The following PLEK variants were observed in gnomAD, a reference collection of about 807,000 sequenced individuals.
PLEK encodes pleckstrin.
A neutral mutation model predicts 43.9 loss-of-function variants in PLEK; 25 were observed. The ratio of observed to expected loss-of-function variants is 0.57; its 90% CI spans 0.41 to 0.79. PLEK has a LOEUF of 0.79. Ranked by LOEUF, PLEK falls within the 30% of genes least tolerant of loss-of-function variation. The pLI is 0.00. For synonymous variants in PLEK, 152 were observed against 144.4 expected, an observed-to-expected ratio of 1.05 and a Z score of -0.38; for missense variants, 396 against 413.3, an observed-to-expected ratio of 0.96 and a Z score of 0.36.
intron 1 of PLEK, among the ~76,000 whole-genome samples, chr2:68,373,924 T>C (rs567121256): frequency 2.6e-5 from 4 of 152,350 alleles, no homozygotes; most frequent in African/African-American, 9.6e-5. Context: ...TTTTAATACA[T>C]AGCAGAGTCA....
intron 1 of PLEK, among the ~76,000 whole-genome samples, chr2:68,370,862 C>T (rs770974825): frequency 4.6e-5 from 7 of 152,102 alleles, no homozygotes; most frequent in African/African-American, 1.2e-4. Context: ...GTTGAATGAA[C>T]GTGTCCCAAA....
At chr2:68,393,285 A>C in intron 7 of PLEK, 40 bp downstream of exon 7, 1 of 1,259,420 alleles carries the variant, frequency 7.9e-7, no homozygotes, top group Non-Finnish European at 1.2e-6. Flanking sequence ...AAATAAATAA[A>C]TCCACTGCAT....
At chr2:68,389,134 A>G (rs974268083) in intron 6 of PLEK, among the ~76,000 whole-genome samples, 1 of 152,228 alleles carries the variant, frequency 6.6e-6, no homozygotes, top group Non-Finnish European at 1.5e-5. Context: ...GTCGGTTACC[A>G]GGTGCCAAGG....
At chr2:68,374,642 C>T (rs763763670) in intron 1 of PLEK, among the ~76,000 whole-genome samples, 2 of 152,176 alleles carry the variant, frequency 1.3e-5, no homozygotes, top group Non-Finnish European at 2.9e-5. Context: ...TTCTAGTATG[C>T]TATAAAGTTC....
At chr2:68,376,596 T>A (rs1234385688) in intron 1 of PLEK, among the ~76,000 whole-genome samples, 1 of 141,630 alleles carries the variant, frequency 7.1e-6, no homozygotes, top group Non-Finnish European at 1.5e-5. Flanking sequence ...ATTAATAATG[T>A]GATCTTATTT....
chr2:68,380,633 G>T, intron 2 of PLEK, 90 bp from the exon 3 acceptor site: 1 of 1,462,540 alleles, frequency 6.8e-7, no homozygotes. Flanking sequence ...CTCTTGGCTA[G>T]AAGAGGTTTA....
At chr2:68,388,346 T>C in intron 5 of PLEK, 41 bp from the exon 6 acceptor site, 1 of 1,207,012 alleles carries the variant, frequency 8.3e-7, no homozygotes, top group Middle Eastern at 1.9e-4. Flanking sequence ...GCAATGTGCC[T>C]AAGACTGGTG....
intron 1 of PLEK, among the ~76,000 whole-genome samples, chr2:68,368,326 C>A (rs1033109392): frequency 6.6e-6 from 1 of 152,242 alleles, no homozygotes; most frequent in African/African-American, 2.4e-5. Flanking sequence ...AACATGACTT[C>A]ATTTAATCCT....
intron 6 of PLEK, among the ~76,000 whole-genome samples, chr2:68,392,335 A>G (rs1673877932): frequency 6.6e-6 from 1 of 152,040 alleles, no homozygotes; most frequent in African/African-American, 2.4e-5. Flanking sequence ...TCCCTAATGA[A>G]TTCTTTTTTA....
chr2:68,393,189 A>C lies in PLEK; in HGVS notation c.790A>C (p.Arg264=). 6.2e-7 allele frequency: 1 copy of C among 1,612,930 alleles called. No individual in the cohort carries two copies. The highest frequency in any genetic ancestry group is 1.1e-5 in the South Asian group (1 of 91,064). Residue 264 remains arginine (R), a synonymous_variant, in exon 7 of 9, where the codon AGG becomes CGG. Coordinates refer to ENST00000234313, the MANE Select transcript of PLEK (RefSeq NM_002664.3). ...GCATAGAAGGAAAAACTGGAAAGTGAGGAAGTTCATCTTGAGAGAAGACCC... is the reference window on the plus strand; with the variant it reads ...GCATAGAAGGAAAAACTGGAAAGTGCGGAAGTTCATCTTGAGAGAAGACCC... ...QGHRRKNWKV[R]KFILREDPAY... is the part of the protein sequence containing the mutation.
rs1255626754 is a variant in PLEK, at chr2:68,387,565, C to A, written c.658-822C>A. Among the ~76,000 whole-genome samples the A allele has an allele frequency of 3.3e-5, 5 of 152,278 alleles. No individual in the cohort carries two copies. The East Asian group carries it at 9.6e-4, about 29-fold the overall frequency. ...GTGTACCTCCCACAGTATGCTTACC[C>A]ACGATTGGGAAACACTATATTATAC... On this transcript the variant is annotated intron_variant, in intron 5 of 8. Transcript: ENST00000234313.
At chr2:68,389,655 G>C (rs1004407539) in intron 6 of PLEK, among the ~76,000 whole-genome samples, 2 of 152,188 alleles carry the variant, frequency 1.3e-5, no homozygotes, top group African/African-American at 4.8e-5. Flanking sequence ...AGAGAACAGT[G>C]TCCTAAGAAA....
chr2:68,375,727 A>G (rs7605863), intron 1 of PLEK, among the ~76,000 whole-genome samples: 80,095 of 152,038 alleles, frequency 0.53, 22,637 homozygotes, highest in East Asian at 0.76. Flanking sequence ...GATAAGCAGC[A>G]GGGTCTCTTG....
intron 1 of PLEK, among the ~76,000 whole-genome samples, chr2:68,371,163 C>A (rs1214852842): frequency 6.6e-6 from 1 of 152,152 alleles, no homozygotes; most frequent in African/African-American, 2.4e-5. Context: ...CTGCAGCTTG[C>A]ATTTCTTTTA....
chr2:68,380,188 T>C, intron 1 of PLEK, 140 bp from the exon 2 acceptor site: 1 of 647,174 alleles, frequency 1.5e-6, no homozygotes, highest in East Asian at 2.9e-5. Flanking sequence ...TTTGAGAGGA[T>C]TTGTGTTGAA....
chr2:68,383,552 G>T (rs1673675825), intron 4 of PLEK, among the ~76,000 whole-genome samples: 1 of 152,138 alleles, frequency 6.6e-6, no homozygotes, highest in African/African-American at 2.4e-5. Flanking sequence ...CAGAGGATGG[G>T]CAAAGGATGG....
At chr2:68,386,920 T>C (rs934447179) in intron 5 of PLEK, among the ~76,000 whole-genome samples, 2 of 152,154 alleles carry the variant, frequency 1.3e-5, no homozygotes, top group Non-Finnish European at 2.9e-5. Context: ...TCCAAGTGAA[T>C]TTGTTATTAT....
chr2:68,380,697 C>T, intron 2 of PLEK, 26 bp from the exon 3 acceptor site: 1 of 1,607,632 alleles, frequency 6.2e-7, no homozygotes, highest in Non-Finnish European at 8.5e-7. Flanking sequence ...TAAGCCATTT[C>T]TAATGGGATG....
At chr2:68,376,296 A>G (rs1673499906) in intron 1 of PLEK, among the ~76,000 whole-genome samples, 1 of 152,162 alleles carries the variant, frequency 6.6e-6, no homozygotes, top group Admixed American at 6.5e-5. Flanking sequence ...CAAACCACAT[A>G]AAGTCAGCCT....
Sources: gnomAD v4.1 joint callset for allele counts (sites outside exome capture counted in the v4.1 genomes callset) on GRCh38, gnomAD v4.1.1 for gene constraint, MANE v1.5 for transcripts, NCBI Gene and HGNC (gene_info 2026-07-23, HGNC 2026-07-21) for gene names.